Variants in KCND2 observed in about 807,000 individuals in gnomAD.
The protein encoded by KCND2 is potassium voltage-gated channel subfamily D member 2, also known as A-type voltage-gated potassium channel KCND2.
A neutral mutation model predicts 54.4 loss-of-function variants in KCND2; 16 were observed. That is an observed-to-expected ratio of 0.29 (90% confidence interval 0.20 to 0.45). The LOEUF is 0.45. Ranked by LOEUF, KCND2 falls within the 20% of genes least tolerant of loss-of-function variation. The pLI is 1.00. For synonymous variants in KCND2, 317 were observed against 310.7 expected (o/e 1.02, Z -0.21); for missense variants, 486 against 824.2 (o/e 0.59, Z 5.02).
In KCND2 at chr7:120,274,933, A is replaced by G; in HGVS notation, c.301A>G (p.Thr101Ala). ...IFRHILNFYR[T>A]GKLHYPRHEC... ...CCGCCACATCCTGAATTTCTACCGC[A>G]CTGGGAAGCTCCACTATCCTCGCCA... The change falls in exon 1 of 6, where the codon ACT (threonine) becomes GCT (alanine). Residue 101 changes from threonine to alanine, a missense_variant. Physicochemically the swap from Thr to Ala is moderately conservative, Grantham distance 58. Around this residue, in one of 7 missense-constraint regions of KCND2, gnomAD observed 231 missense variants for 386.0 expected, o/e 0.60. Transcript: ENST00000331113. 6.2e-7 allele frequency: 1 copy of G among 1,613,924 alleles called. No individual in the cohort carries two copies. The highest frequency in any genetic ancestry group is 8.5e-7 in the Non-Finnish European group (1 of 1,179,998).
chr7:120,431,618 G>A (rs1029795911), intron 1 of KCND2, among the ~76,000 whole-genome samples: 1 of 152,112 alleles, frequency 6.6e-6, no homozygotes, highest in Non-Finnish European at 1.5e-5. Flanking sequence ...AGAGCCATTG[G>A]AGAAAGGAAT....
In KCND2 at chr7:120,311,449, C is replaced by A. The variant is rs1214716976; in HGVS notation, c.1115+35702C>A. On this transcript the variant is annotated intron_variant, in intron 1 of 5. Coordinates refer to ENST00000331113, the MANE Select transcript of KCND2 (RefSeq NM_012281.3). ...ATAGAATAGGACATTGAGGAAATAG[C>A]ATTAATCTGAGGAAGACTGGGAGTG... 6.6e-5 allele frequency among the ~76,000 whole-genome samples: 10 copies of A among 152,124 alleles called. No individual in the cohort carries two copies. In the East Asian group the frequency reaches 1.7e-3, roughly 26 times the overall value.
chr7:120,553,331 T>G (rs73439867), intron 1 of KCND2, among the ~76,000 whole-genome samples: 3,232 of 152,264 alleles, frequency 0.021, 128 homozygotes, highest in African/African-American at 0.074. Context: ...AGCAGGATTT[T>G]TTTCTTTTAT....
intron 1 of KCND2, among the ~76,000 whole-genome samples, chr7:120,516,002 ACTTT>A (rs938225929): frequency 1.3e-4 from 20 of 152,084 alleles, no homozygotes; most frequent in African/African-American, 2.7e-4. Context: ...TCTTCTCAGC[ACTTT>A]CTTTCTTCTG....
chr7:120,705,193 G>T (rs1215606438), intron 1 of KCND2, among the ~76,000 whole-genome samples: 1 of 152,130 alleles, frequency 6.6e-6, no homozygotes, highest in Non-Finnish European at 1.5e-5. Flanking sequence ...GCTTAACTCT[G>T]CTGTGACACT....
intron 1 of KCND2, among the ~76,000 whole-genome samples, chr7:120,476,861 CT>C: frequency 6.6e-6 from 1 of 152,278 alleles, no homozygotes; most frequent in African/African-American, 2.4e-5. Flanking sequence ...AGAGGAGCTG[CT>C]GGGTTTGAGC....
At chr7:120,622,664 TACAC>T (rs138167439) in intron 1 of KCND2, among the ~76,000 whole-genome samples, 3,539 of 134,730 alleles carry the variant, frequency 0.026, 92 homozygotes, top group East Asian at 0.094. Flanking sequence ...TCCTTTTCCT[TACAC>T]ACACACACAC....
Position 120,289,718 on chromosome 7 carries a change from C to T in KCND2, c.1115+13971C>T, listed in dbSNP as rs1468024777. Among the ~76,000 whole-genome samples, 3 of 152,146 alleles carry T rather than the reference C, an allele frequency of 2.0e-5. No individual in the cohort carries two copies. The East Asian group carries it at 5.8e-4, about 29-fold the overall frequency. On this transcript the variant is annotated intron_variant, in intron 1 of 5. Transcript: ENST00000331113. ...TTCTTTCCCTTCACCTTAGGCCAGA[C>T]ATAAACGTCAGCCAAGTACCACACA... is the stretch of plus-strand genomic sequence containing the variant.
intron 1 of KCND2, among the ~76,000 whole-genome samples, chr7:120,718,559 G>A (rs1017095691): frequency 3.9e-5 from 6 of 152,088 alleles, no homozygotes; most frequent in Admixed American, 6.5e-5. Flanking sequence ...AAGTAAAGTC[G>A]AGTAGCTGTG....
intron 1 of KCND2, among the ~76,000 whole-genome samples, chr7:120,677,943 C>T (rs1413341059): frequency 6.6e-6 from 1 of 151,930 alleles, no homozygotes; most frequent in Non-Finnish European, 1.5e-5. Context: ...TGAAACTAAT[C>T]GGTAGTCTGT....
chr7:120,306,177 G>C (rs1799649770), intron 1 of KCND2, among the ~76,000 whole-genome samples: 1 of 151,828 alleles, frequency 6.6e-6, no homozygotes, highest in Non-Finnish European at 1.5e-5. Flanking sequence ...ATATTGCCTT[G>C]ACATTGTGGT....
intron 1 of KCND2, among the ~76,000 whole-genome samples, chr7:120,487,833 A>G (rs1802716390): frequency 6.6e-6 from 1 of 152,318 alleles, no homozygotes; most frequent in Admixed American, 6.5e-5. Context: ...GTTTTCAAAT[A>G]ACATAGAAGA....
At chr7:120,354,041 T>G (rs1028273972) in intron 1 of KCND2, among the ~76,000 whole-genome samples, 2 of 152,198 alleles carry the variant, frequency 1.3e-5, no homozygotes, top group Non-Finnish European at 1.5e-5. Flanking sequence ...AGAGTACTTC[T>G]GCTTCATATG....
intron 1 of KCND2, among the ~76,000 whole-genome samples, chr7:120,519,868 A>C (rs1260001850): frequency 6.6e-6 from 1 of 152,112 alleles, no homozygotes; most frequent in Non-Finnish European, 1.5e-5. Context: ...ATAGTTCCTA[A>C]AATTCTTACG....
chr7:120,717,494 A>C (rs1792618144), intron 1 of KCND2, among the ~76,000 whole-genome samples: 1 of 152,176 alleles, frequency 6.6e-6, no homozygotes. Context: ...GGAACTATGG[A>C]AAGCAAAACA....
intron 1 of KCND2, among the ~76,000 whole-genome samples, chr7:120,416,602 A>G (rs10238570): frequency 4.9e-4 from 74 of 152,222 alleles, no homozygotes; most frequent in African/African-American, 1.7e-3. Context: ...TATATGCCTG[A>G]CCCAGTGTAT....
intron 1 of KCND2, among the ~76,000 whole-genome samples, chr7:120,421,948 T>C (rs569039803): frequency 1.3e-5 from 2 of 152,302 alleles, no homozygotes; most frequent in East Asian, 3.9e-4. Flanking sequence ...ACCAGAAGGA[T>C]GGCAGCTGGG....
At chr7:120,281,270 C>T (rs1007225914) in intron 1 of KCND2, among the ~76,000 whole-genome samples, 37 of 151,972 alleles carry the variant, frequency 2.4e-4, no homozygotes, top group African/African-American at 7.7e-4. Flanking sequence ...CCCTTTCCTC[C>T]CTTCTACTCT....
intron 1 of KCND2, among the ~76,000 whole-genome samples, chr7:120,437,272 G>A (rs949984000): frequency 7.0e-6 from 1 of 142,678 alleles, no homozygotes; most frequent in Non-Finnish European, 1.5e-5. Flanking sequence ...ACTCGATCTC[G>A]GCTCACTGCA....
Sources: allele counts gnomAD v4.1 joint callset (sites outside exome capture counted in the v4.1 genomes callset), GRCh38; gene constraint gnomAD v4.1.1; regional missense constraint gnomAD v4.1.1; transcripts MANE v1.5; gene names NCBI Gene and HGNC (gene_info 2026-07-23, HGNC 2026-07-21).